SLC37A1: variants seen among roughly 807,000 people sequenced by gnomAD.
The protein encoded by SLC37A1 is solute carrier family 37 member 1.
Under a neutral mutation model 75.3 loss-of-function variants are expected in SLC37A1, and 49 were observed. That is an observed-to-expected ratio of 0.65 (90% CI 0.52 to 0.83). The LOEUF is 0.83. SLC37A1 is among the 40% of genes least tolerant of loss of function. The pLI is 0.00. For synonymous variants in SLC37A1, 268 were observed against 292.1 expected (o/e 0.92, Z 0.84); for missense variants, 566 against 695.0 (o/e 0.81, Z 2.09).
rs975963640 is a variant in SLC37A1 at position 42,506,368 on chromosome 21, G to A, written c.-179+3951G>A. 2.0e-5 allele frequency among the ~76,000 whole-genome samples: 3 copies of A among 152,150 alleles called. No individual in the cohort carries two copies. The East Asian group carries it at 5.8e-4, about 29-fold the overall frequency. On this transcript the variant is annotated intron_variant, in intron 2 of 20. Coordinates refer to the SLC37A1 transcript ENST00000398341. ...AATAAGCTGATGAAAGGGACTTTGT[G>A]GTTCTCTCCTTCCTTCAGCTCCTGA...
intron 16 of SLC37A1, among the ~76,000 whole-genome samples, chr21:42,567,384 C>A (rs1601764054): frequency 6.6e-6 from 1 of 152,314 alleles, no homozygotes; most frequent in Admixed American, 6.5e-5. Context: ...AGAGGGGCCA[C>A]GAAGAGGCGC....
intron 14 of SLC37A1, 43 bp from the exon 15 acceptor site, chr21:42,565,784 T>C: frequency 1.3e-6 from 2 of 1,588,724 alleles, no homozygotes; most frequent in Non-Finnish European, 1.7e-6. Context: ...TCGCACTGCT[T>C]GCAGCCAGCC....
At chr21:42,540,899 G>A (rs879819243) in intron 6 of SLC37A1, among the ~76,000 whole-genome samples, 7 of 152,184 alleles carry the variant, frequency 4.6e-5, no homozygotes, top group Non-Finnish European at 1.0e-4. Flanking sequence ...ATTTTCCAGA[G>A]TCCCAGCATG....
At chr21:42,502,135 A>G (rs532277202) in intron 1 of SLC37A1, among the ~76,000 whole-genome samples, 1 of 152,368 alleles carries the variant, frequency 6.6e-6, no homozygotes, top group African/African-American at 2.4e-5. Flanking sequence ...CATTTGATGC[A>G]TGCAAAAGAA....
chr21:42,510,438 G>A (rs951263364), upstream of SLC37A1, among the ~76,000 whole-genome samples: 1 of 152,156 alleles, frequency 6.6e-6, no homozygotes, highest in African/African-American at 2.4e-5. Flanking sequence ...CATCACATTA[G>A]AAAGGAAGAT....
chr21:42,567,269 G>A (rs75915592), intron 16 of SLC37A1, among the ~76,000 whole-genome samples: 6,796 of 152,308 alleles, frequency 0.045, 492 homozygotes, highest in African/African-American at 0.15. Flanking sequence ...AAAACTCACC[G>A]TTCAGCACAA....
intron 7 of SLC37A1, among the ~76,000 whole-genome samples, 165 bp from the exon 8 acceptor site, chr21:42,543,271 C>T (rs1477903316): frequency 1.3e-5 from 2 of 152,268 alleles, no homozygotes; most frequent in Non-Finnish European, 2.9e-5. Flanking sequence ...CACATCAGCT[C>T]TCGTGAGCAT....
intron 2 of SLC37A1, among the ~76,000 whole-genome samples, chr21:42,519,962 GTT>G (rs1491173794): frequency 0.018 from 2,560 of 142,996 alleles, 37 homozygotes; most frequent in African/African-American, 0.048. Context: ...TCCACAGTGT[GTT>G]TGTGTGTGTG....
intron 2 of SLC37A1, among the ~76,000 whole-genome samples, chr21:42,506,040 G>C (rs966864333): frequency 2.6e-5 from 4 of 152,218 alleles, no homozygotes; most frequent in African/African-American, 4.8e-5. Flanking sequence ...TGAAGTGGAG[G>C]CTGGGCAGGC....
In SLC37A1 at chr21:42,570,326, G is replaced by A. The variant is rs942439063; in HGVS notation, c.1423+1888G>A. On this transcript the variant is annotated intron_variant, in intron 17 of 19. Transcript: ENST00000352133. Reference sequence around the variant, plus strand: ...CTGGTTCTGAGAAGTGGTGGGCAGGGTGGCTGTTGCTCAGAAAGCCACACT... The same window carrying A: ...CTGGTTCTGAGAAGTGGTGGGCAGGATGGCTGTTGCTCAGAAAGCCACACT... 8.6e-5 allele frequency among the ~76,000 whole-genome samples: 13 copies of A among 151,838 alleles called. 1 individual carries two copies. Among genetic ancestry groups the A allele is most frequent in the African/African-American group, 3.1e-4 (13 of 41,304 alleles).
intron 2 of SLC37A1, among the ~76,000 whole-genome samples, chr21:42,508,433 A>C (rs2054404718): frequency 6.6e-6 from 1 of 152,032 alleles, no homozygotes. Context: ...CTGGCCTAAG[A>C]GTATGTCTTT....
At chr21:42,524,671 G>T (rs1296946352) in intron 2 of SLC37A1, among the ~76,000 whole-genome samples, 1 of 152,224 alleles carries the variant, frequency 6.6e-6, no homozygotes, top group Non-Finnish European at 1.5e-5. Flanking sequence ...CATCGTGCTT[G>T]TTCTGCTTTG....
chr21:42,545,600 G>A lies in SLC37A1; in HGVS notation c.731-1503G>A, dbSNP rs1025098961. On this transcript the variant is annotated intron_variant, in intron 8 of 19. Transcript: ENST00000352133. This position sits in a 1 kb window ranked among gnomAD's most constrained non-coding sequence, Gnocchi z 4.0. ...CTCTCTGAGTCTCCTTTCTGAAGCT[G>A]TTCTCAAATGTGTCCCAGCCAAGGG... is the stretch of plus-strand genomic sequence containing the variant. Among the ~76,000 whole-genome samples, 2 of 152,208 alleles carry A rather than the reference G, an allele frequency of 1.3e-5. No individual in the cohort carries two copies. Among genetic ancestry groups the A allele is most frequent in the Non-Finnish European group, 2.9e-5 (2 of 68,028 alleles).
chr21:42,540,454 G>A (rs566866923), intron 6 of SLC37A1, among the ~76,000 whole-genome samples: 39 of 152,312 alleles, frequency 2.6e-4, no homozygotes, highest in African/African-American at 9.4e-4. Context: ...TCTACAGAGG[G>A]ATGCAAGGGC....
At chr21:42,571,185 C>A (rs1464195832) in intron 17 of SLC37A1, among the ~76,000 whole-genome samples, 3 of 152,220 alleles carry the variant, frequency 2.0e-5, no homozygotes, top group Non-Finnish European at 4.4e-5. Context: ...GGAAGGCCAC[C>A]ATGTCAGCCA....
In SLC37A1 at chr21:42,514,750, A is replaced by G. The variant is rs2146694932; in HGVS notation, c.-179+33A>G. 6.6e-6 allele frequency: 1 copy of G among 152,286 alleles called. No homozygotes were observed. The highest frequency in any genetic ancestry group is 1.9e-4 in the East Asian group (1 of 5,164). The allele number at this position is 152,286 out of a possible 1,614,324, so 9.4% of individuals were successfully genotyped here. A position where few individuals can be genotyped will look rare whatever the true frequency, so the allele number is the denominator to read the frequency against. The stretch of plus-strand genomic sequence containing the variant: ...CAGTCTAAGGATTTGCATTTGAACG[A>G]AGGATACTGGCCAAGCCCCTTACCA... On this transcript the variant is annotated intron_variant, in intron 1 of 19. Coordinates refer to ENST00000352133, the MANE Select transcript of SLC37A1 (RefSeq NM_001320537.2). The surrounding 1 kb of genome is among the most constrained non-coding windows in gnomAD (Gnocchi z 4.8).
chr21:42,536,452 G>T (rs908541990), intron 5 of SLC37A1, among the ~76,000 whole-genome samples: 1 of 152,198 alleles, frequency 6.6e-6, no homozygotes, highest in African/African-American at 2.4e-5. Flanking sequence ...ATTAAAAACT[G>T]CTATTGTGTC....
At chr21:42,533,745 C>T (rs1374271706) in intron 3 of SLC37A1, among the ~76,000 whole-genome samples, 1 of 152,186 alleles carries the variant, frequency 6.6e-6, no homozygotes, top group Non-Finnish European at 1.5e-5. Context: ...CGTCACGGGT[C>T]CCAGTGACTT....
At chr21:42,531,707 T>G (rs1252582769) in intron 3 of SLC37A1, among the ~76,000 whole-genome samples, 2 of 151,014 alleles carry the variant, frequency 1.3e-5, no homozygotes, top group Non-Finnish European at 2.9e-5. Context: ...CCAGTTCATC[T>G]TAACCTAATT....
Sources: allele counts gnomAD v4.1 joint callset (sites outside exome capture counted in the v4.1 genomes callset), GRCh38; gene constraint gnomAD v4.1.1; non-coding constraint Gnocchi (gnomAD v3.1); transcripts MANE v1.5; gene names NCBI Gene and HGNC (gene_info 2026-07-23, HGNC 2026-07-21).